UBE3A: variants seen among roughly 807,000 people sequenced by gnomAD.
The protein encoded by UBE3A is ubiquitin protein ligase E3A.
Under a neutral mutation model 83.4 loss-of-function variants are expected in UBE3A, and 6 were observed. That is an observed-to-expected ratio of 0.07 (90% CI 0.04 to 0.14). The LOEUF is 0.14. UBE3A is among the 10% of genes least tolerant of loss of function. UBE3A has a pLI of 1.00. For synonymous variants in UBE3A, 337 were observed against 355.4 expected (o/e 0.95, Z 0.58); for missense variants, 456 against 1,036.1 (o/e 0.44, Z 7.69).
At chr15:25,414,050 CT>C (rs1168657948) in intron 1 of UBE3A, among the ~76,000 whole-genome samples, 1 of 152,154 alleles carries the variant, frequency 6.6e-6, no homozygotes, top group Non-Finnish European at 1.5e-5. Flanking sequence ...AACTCTGTAT[CT>C]TTAAGTCCTT....
At chr15:25,416,487 T>C (rs1258063532) in intron 1 of UBE3A, among the ~76,000 whole-genome samples, 1 of 152,074 alleles carries the variant, frequency 6.6e-6, no homozygotes, top group Non-Finnish European at 1.5e-5. Flanking sequence ...GTCAGGACAG[T>C]GGTTACACAT....
In UBE3A at chr15:25,353,386, C is replaced by T. The variant is rs77185739; in HGVS notation, c.2354+967G>A. On this transcript the variant is annotated intron_variant, in intron 11 of 12. Coordinates refer to ENST00000648336, the MANE Select transcript of UBE3A (RefSeq NM_130839.5). ...GTGACAGGGATTGGTTCCAGGACCA[C>T]GTGTGTATACCAAAATCCATGCACG... Among the ~76,000 whole-genome samples, 866 of 152,248 alleles carry T rather than the reference C, an allele frequency of 5.7e-3. 10 individuals are homozygous for T. Among genetic ancestry groups the T allele is most frequent in the African/African-American group, 0.02 (824 of 41,532 alleles).
chr15:25,372,014 T>C (rs951842022), intron 5 of UBE3A, among the ~76,000 whole-genome samples: 1 of 152,146 alleles, frequency 6.6e-6, no homozygotes, highest in Non-Finnish European at 1.5e-5. Context: ...TACCTACCTA[T>C]ACCAATGACC....
chr15:25,344,914 G>GC (rs1201270463), intron 11 of UBE3A, among the ~76,000 whole-genome samples: 4 of 152,116 alleles, frequency 2.6e-5, no homozygotes, highest in Non-Finnish European at 4.4e-5. Flanking sequence ...AGGGCAGGTA[G>GC]CAGGTTCTGG....
At position 25,336,629 on chromosome 15, in the gene UBE3A, G is replaced by T. The variant is rs536456851; in HGVS notation, c.*2508C>A. On this transcript the variant is annotated 3_prime_UTR_variant, in exon 13 of 13. Coordinates refer to ENST00000648336, the MANE Select transcript of UBE3A (RefSeq NM_130839.5). ...AGTTGTCTCAGGAAACCAGGGTTAG[G>T]ATGACCAGCTCATTTGCTGGAGCTG... 1 of 152,234 alleles carries T rather than the reference G, an allele frequency of 6.6e-6. No homozygotes were observed. Among genetic ancestry groups the T allele is most frequent in the African/African-American group, 2.4e-5 (1 of 41,546 alleles). 9.4% of individuals were successfully genotyped at this position (152,234 alleles called of 1,614,324 possible). A position where few individuals can be genotyped will look rare whatever the true frequency, so the allele number is the denominator to read the frequency against.
In UBE3A at chr15:25,371,594, C is replaced by A. The variant is rs751370485; in HGVS notation, c.580G>T (p.Ala194Ser). 8 of 1,614,126 alleles carry A rather than the reference C, an allele frequency of 5.0e-6. No individual in the cohort carries two copies. Among genetic ancestry groups the A allele is most frequent in the East Asian group, 2.2e-5 (1 of 44,858 alleles). The change falls in exon 6 of 13, where the codon GCA (alanine) becomes TCA (serine). Residue 194 changes from alanine (A) to serine (S), a missense_variant. By Grantham distance (99) the Ala-to-Ser change is moderately conservative. This residue lies in a region of UBE3A where 42 missense variants were observed against 41.8 expected (regional missense o/e 1.00). Transcript: ENST00000648336. This position sits in a 1 kb window ranked among gnomAD's most constrained non-coding sequence, Gnocchi z 5.3. Reference sequence around the variant, plus strand: ...TCTTCCATAGCAGCAGCAGAACATGCAGCTTTTTCCTTTTCATCTTCATCT... The same window carrying A: ...TCTTCCATAGCAGCAGCAGAACATGAAGCTTTTTCCTTTTCATCTTCATCT... The part of the protein sequence containing the change: ...DKDEDEKEKA[A>S]CSAAAMEEDS...
intron 5 of UBE3A, among the ~76,000 whole-genome samples, chr15:25,373,307 T>C (rs2080618194): frequency 2.0e-5 from 3 of 152,194 alleles, no homozygotes. Context: ...GAGCAAGTCA[T>C]AAGGTTAACA....
intron 3 of UBE3A, chr15:25,407,962 GT>G (rs1414982664): frequency 2.0e-5 from 3 of 152,236 alleles, no homozygotes; most frequent in Non-Finnish European, 4.4e-5. Context: ...TATGCCAGGT[GT>G]GGTAGTTCAT....
intron 1 of UBE3A, among the ~76,000 whole-genome samples, chr15:25,436,434 C>A (rs1258547800): frequency 6.6e-6 from 1 of 152,114 alleles, no homozygotes; most frequent in East Asian, 1.9e-4. Context: ...TTGGAAACAT[C>A]ATTTCAAGAG....
rs575740366 is a variant in UBE3A, at chr15:25,335,417, T to C, written c.*3720A>G. The C allele has an allele frequency of 6.6e-6, 1 of 152,290 alleles. No homozygotes were observed. The highest frequency in any genetic ancestry group is 1.9e-4 in the East Asian group (1 of 5,172). The allele number at this position is 152,290 out of a possible 1,614,324, so 9.4% of individuals were successfully genotyped here. A position where few individuals can be genotyped will look rare whatever the true frequency, so the allele number is the denominator to read the frequency against. On this transcript the variant is annotated 3_prime_UTR_variant, in exon 13 of 13. Transcript: ENST00000648336. ...GATATTAAAATTAGCAAGATAGTGT[T>C]CTAGCACAATGAAAAGGATTGGAAG...
intron 11 of UBE3A, 36 bp downstream of exon 11, chr15:25,354,317 G>C (rs1478011014): frequency 6.3e-7 from 1 of 1,599,400 alleles, no homozygotes; most frequent in South Asian, 1.1e-5. Context: ...CCCCTTTGGT[G>C]AATCAAATCT....
intron 4 of UBE3A, among the ~76,000 whole-genome samples, chr15:25,377,464 T>A (rs1349674888): frequency 6.6e-6 from 1 of 152,140 alleles, no homozygotes; most frequent in Non-Finnish European, 1.5e-5. Context: ...AAAACTGTTA[T>A]CACAGATTTA....
At position 25,335,237 on chromosome 15, in the gene UBE3A, T is replaced by C. The variant is rs370275347; in HGVS notation, c.*3900A>G. 13 of 152,226 alleles carry C rather than the reference T, an allele frequency of 8.5e-5. No individual in the cohort carries two copies. Among genetic ancestry groups the C allele is most frequent in the African/African-American group, 2.7e-4 (11 of 41,446 alleles). 9.4% of individuals were successfully genotyped at this position (152,226 alleles called of 1,614,324 possible). On this transcript the variant is annotated 3_prime_UTR_variant, in exon 13 of 13. Transcript: ENST00000648336. ...ACTTTGGGGGTTGATGAAGTCTTCA[T>C]GGATGAGGTACTTTAAATATCTGGT...
intron 4 of UBE3A, among the ~76,000 whole-genome samples, chr15:25,385,713 A>G (rs2083001024): frequency 6.6e-6 from 1 of 152,098 alleles, no homozygotes. Flanking sequence ...GAACAGGTGA[A>G]CACATAGCAT....
chr15:25,423,059 C>T (rs1199610355), intron 1 of UBE3A, among the ~76,000 whole-genome samples: 3 of 151,530 alleles, frequency 2.0e-5, no homozygotes, highest in African/African-American at 7.3e-5. Flanking sequence ...AACCCAGAAA[C>T]CATAAAAGAT....
intron 1 of UBE3A, among the ~76,000 whole-genome samples, chr15:25,416,119 A>C (rs2090871805): frequency 6.6e-6 from 1 of 152,156 alleles, no homozygotes; most frequent in Admixed American, 6.6e-5. Flanking sequence ...CTGAGTATAC[A>C]CTAAATATAT....
chr15:25,387,780 G>C (rs556945007), intron 4 of UBE3A, among the ~76,000 whole-genome samples: 2 of 152,204 alleles, frequency 1.3e-5, no homozygotes, highest in East Asian at 3.9e-4. Flanking sequence ...AGAATGAAAA[G>C]AGTGGACATC....
At chr15:25,367,250 CATATTTGTAAAT>C (rs2079407902) in intron 6 of UBE3A, among the ~76,000 whole-genome samples, 1 of 71,738 alleles carries the variant, frequency 1.4e-5, no homozygotes, top group African/African-American at 9.1e-5. Context: ...TAAATATTTG[CATATTTGTAAAT>C]ATGTAAATAT....
At chr15:25,388,381 A>G (rs1229815782) in intron 4 of UBE3A, among the ~76,000 whole-genome samples, 1 of 152,226 alleles carries the variant, frequency 6.6e-6, no homozygotes, top group African/African-American at 2.4e-5. Context: ...ACATGACCAT[A>G]CCATAGATGG....
Sources: allele counts gnomAD v4.1 joint callset (sites outside exome capture counted in the v4.1 genomes callset), GRCh38; gene constraint gnomAD v4.1.1; regional missense constraint gnomAD v4.1.1; non-coding constraint Gnocchi (gnomAD v3.1); transcripts MANE v1.5; gene names NCBI Gene and HGNC (gene_info 2026-07-23, HGNC 2026-07-21).